The following DLGAP2 variants were observed in gnomAD, a reference collection of about 807,000 sequenced individuals.
DLGAP2 encodes disks large-associated protein 2.
DLGAP2 carries 26 observed loss-of-function variants against 100.3 expected under a neutral mutation model. The ratio of observed to expected loss-of-function variants is 0.26; its 90% CI spans 0.19 to 0.36. The LOEUF is 0.36. DLGAP2 is among the 10% of genes least tolerant of loss of function. DLGAP2 has a pLI of 1.00. For synonymous variants in DLGAP2, 886 were observed against 630.1 expected, an observed-to-expected ratio of 1.41 and a Z score of -6.08; for missense variants, 1,858 against 1,453.2, an observed-to-expected ratio of 1.28 and a Z score of -4.53.
At chr8:1,464,632 T>G (rs981411011) in intron 3 of DLGAP2, among the ~76,000 whole-genome samples, 1 of 151,352 alleles carries the variant, frequency 6.6e-6, no homozygotes, top group African/African-American at 2.4e-5. Flanking sequence ...CTGTCTCCAA[T>G]GACTGAAGGC....
intron 2 of DLGAP2, among the ~76,000 whole-genome samples, chr8:913,736 C>G (rs1798535656): frequency 6.6e-6 from 1 of 152,240 alleles, no homozygotes; most frequent in Non-Finnish European, 1.5e-5. Flanking sequence ...TGTCCCACAG[C>G]TGTGCCTCAG....
At chr8:1,181,863 T>C (rs1037023915) in intron 2 of DLGAP2, among the ~76,000 whole-genome samples, 4 of 152,156 alleles carry the variant, frequency 2.6e-5, no homozygotes, top group Admixed American at 1.3e-4. Context: ...CGGCACCCCC[T>C]GGAGAGGACT....
At chr8:1,362,757 G>A (rs149756556) in intron 3 of DLGAP2, among the ~76,000 whole-genome samples, 202 of 152,352 alleles carry the variant, frequency 1.3e-3, no homozygotes, top group African/African-American at 4.2e-3. Flanking sequence ...AAGCAACAGC[G>A]TCCATTTCTG....
chr8:1,072,590 A>C (rs371537311), intron 2 of DLGAP2, among the ~76,000 whole-genome samples: 7 of 152,120 alleles, frequency 4.6e-5, no homozygotes, highest in African/African-American at 1.7e-4. Flanking sequence ...TGTTCCCGAG[A>C]GCATTGGGTG....
Position 1,548,978 on chromosome 8 carries a change from C to T in DLGAP2, c.525C>T (p.Asp175=). 1.3e-6 allele frequency: 2 copies of T among 1,599,310 alleles called. No individual in the cohort carries two copies. Among genetic ancestry groups the T allele is most frequent in the Non-Finnish European group, 8.5e-7 (1 of 1,179,412 alleles). Residue 175 remains aspartate, a synonymous_variant, in exon 5 of 15, where the codon GAC becomes GAT. Coordinates refer to ENST00000637795, the MANE Select transcript of DLGAP2 (RefSeq NM_001346810.2). The part of the protein sequence containing the change: ...HYSSHYDTRD[D]CAVAHAGAKI... ...GCTCGCACTACGACACGCGCGACGA[C>T]TGCGCTGTGGCCCACGCGGGCGCCA...
Position 1,678,444 on chromosome 8 carries a change from C to G in DLGAP2, c.2519C>G (p.Ser840Cys). The G allele has an allele frequency of 6.2e-7, 1 of 1,613,550 alleles. No homozygotes were observed. Among genetic ancestry groups the G allele is most frequent in the South Asian group, 1.1e-5 (1 of 91,034 alleles). Residue 840 changes from serine (S) to cysteine (C), a missense_variant, in exon 12 of 15, where the codon TCC (serine) becomes TGC (cysteine). Physicochemically the swap from Ser to Cys is moderately radical, Grantham distance 112. Coordinates refer to ENST00000637795, the MANE Select transcript of DLGAP2 (RefSeq NM_001346810.2). The part of the protein sequence containing the change: ...REDYRTQVDT[S>C]TLPPPDPWLE... ...GACTATCGGACCCAAGTGGACACCTCCACCCTGCCCCCTCCAGACCCCTGG... is the reference window on the plus strand; with the variant it reads ...GACTATCGGACCCAAGTGGACACCTGCACCCTGCCCCCTCCAGACCCCTGG...
At position 1,318,924 on chromosome 8, in the gene DLGAP2, C is replaced by T. The variant is rs117024472; in HGVS notation, c.106+60041C>T. On this transcript the variant is annotated intron_variant, in intron 3 of 14. Coordinates refer to ENST00000637795, the MANE Select transcript of DLGAP2 (RefSeq NM_001346810.2). ...GGGTCCCCATAGATTTTAGGATTAA[C>T]TCAAAACGCTCAGCATGGTTTTTCC... 1.5e-3 allele frequency among the ~76,000 whole-genome samples: 221 copies of T among 152,148 alleles called. 5 individuals carry two copies. The East Asian group carries it at 0.042, about 29-fold the overall frequency.
chr8:842,665 T>C (rs965091308), intron 1 of DLGAP2, among the ~76,000 whole-genome samples: 6 of 152,310 alleles, frequency 3.9e-5, no homozygotes, highest in African/African-American at 1.4e-4. Flanking sequence ...TTTTCACTTT[T>C]AGAGATTCTT....
intron 2 of DLGAP2, among the ~76,000 whole-genome samples, chr8:942,066 C>G (rs866287646): frequency 1.1e-4 from 16 of 152,270 alleles, no homozygotes; most frequent in African/African-American, 3.4e-4. Flanking sequence ...TTCAGTGATT[C>G]TCCTCCTCTG....
intron 3 of DLGAP2, among the ~76,000 whole-genome samples, chr8:1,271,712 G>A (rs542158039): frequency 1.3e-5 from 2 of 152,326 alleles, no homozygotes; most frequent in East Asian, 1.9e-4. Flanking sequence ...CTCAGGGGGA[G>A]GGGAAATGGG....
At chr8:858,987 CTG>C (rs1460636768) in intron 1 of DLGAP2, among the ~76,000 whole-genome samples, 1 of 152,152 alleles carries the variant, frequency 6.6e-6, no homozygotes, top group Non-Finnish European at 1.5e-5. Context: ...TATGTGAACT[CTG>C]TGAACTTTGT....
intron 1 of DLGAP2, among the ~76,000 whole-genome samples, chr8:749,644 T>C (rs1820742456): frequency 6.6e-6 from 1 of 152,260 alleles, no homozygotes; most frequent in Admixed American, 6.5e-5. Flanking sequence ...ATGTATTTTT[T>C]TGAATATTTT....
intron 2 of DLGAP2, among the ~76,000 whole-genome samples, chr8:954,320 A>G (rs1284683751): frequency 1.3e-5 from 2 of 152,204 alleles, no homozygotes; most frequent in African/African-American, 4.8e-5. Context: ...CTATAAGTGA[A>G]AATTTGTATT....
intron 2 of DLGAP2, among the ~76,000 whole-genome samples, chr8:993,794 T>C (rs1377050264): frequency 1.3e-5 from 2 of 148,420 alleles, no homozygotes; most frequent in Non-Finnish European, 3.0e-5. Flanking sequence ...TGGCTTTTTT[T>C]TTTTTTTTTT....
At chr8:1,091,201 T>C (rs1453673742) in intron 2 of DLGAP2, among the ~76,000 whole-genome samples, 1 of 152,184 alleles carries the variant, frequency 6.6e-6, no homozygotes. Flanking sequence ...AAACGTCACT[T>C]CGTGAAGTAC....
intron 3 of DLGAP2, among the ~76,000 whole-genome samples, chr8:1,347,926 A>G (rs773912207): frequency 1.3e-4 from 20 of 150,574 alleles, no homozygotes; most frequent in Non-Finnish European, 5.9e-5. Flanking sequence ...CACTCATGGT[A>G]GCTGTGTGGA....
At chr8:1,096,494 A>T (rs1426656051) in intron 2 of DLGAP2, among the ~76,000 whole-genome samples, 1 of 149,404 alleles carries the variant, frequency 6.7e-6, no homozygotes, top group Non-Finnish European at 1.5e-5. Context: ...GAGTCGAGGG[A>T]CTCATCAAGC....
chr8:1,454,082 G>A (rs1342166588), intron 3 of DLGAP2, among the ~76,000 whole-genome samples: 1 of 152,224 alleles, frequency 6.6e-6, no homozygotes, highest in East Asian at 1.9e-4. Context: ...GAAATCTGAG[G>A]CACGATGAAG....
chr8:1,270,868 T>C (rs532375295), intron 3 of DLGAP2, among the ~76,000 whole-genome samples: 4 of 152,036 alleles, frequency 2.6e-5, no homozygotes, highest in Non-Finnish European at 5.9e-5. Context: ...GCTGTCAGGG[T>C]CTGATTTTTA....
Sources: allele counts gnomAD v4.1 joint callset (sites outside exome capture counted in the v4.1 genomes callset), GRCh38; gene constraint gnomAD v4.1.1; transcripts MANE v1.5; gene names NCBI Gene and HGNC (gene_info 2026-07-23, HGNC 2026-07-21).